Variants in EYS observed in about 807,000 individuals in gnomAD.
The protein encoded by EYS is protein eyes shut homolog.
EYS carries 250 observed loss-of-function variants against 282.1 expected under a neutral mutation model. The observed-to-expected ratio is 0.89, with a 90% CI of 0.80 to 0.98. The LOEUF (loss-of-function observed/expected upper bound fraction) is 0.98, where lower values mean the gene tolerates loss of function less well. Ranked by LOEUF, EYS falls within the 50% of genes least tolerant of loss-of-function variation. The probability of loss-of-function intolerance (pLI) is 0.00; values close to 1 mark genes in which losing one functional copy is unlikely to be tolerated. For missense variants in EYS, 4,016 were observed against 3,709.0 expected (o/e 1.08, Z -2.15); for synonymous variants, 1,355 against 1,282.9 (o/e 1.06, Z -1.20).
intron 35 of EYS, among the ~76,000 whole-genome samples, chr6:63,978,366 T>A (rs1479924282): frequency 2.0e-5 from 3 of 151,972 alleles, no homozygotes; most frequent in African/African-American, 7.2e-5. Flanking sequence ...ATAATCTAAC[T>A]AAATATAAAA....
At chr6:65,662,075 C>G (rs1469083529) in intron 1 of EYS, among the ~76,000 whole-genome samples, 1 of 151,852 alleles carries the variant, frequency 6.6e-6, no homozygotes, top group Admixed American at 6.6e-5. Flanking sequence ...TCTGGTCACA[C>G]CATATTTCTA....
At chr6:65,103,959 A>C (rs1421172717) in intron 12 of EYS, among the ~76,000 whole-genome samples, 1 of 151,420 alleles carries the variant, frequency 6.6e-6, no homozygotes, top group Non-Finnish European at 1.5e-5. Context: ...GTCATTAAAA[A>C]TGTTTGAATG....
intron 22 of EYS, among the ~76,000 whole-genome samples, chr6:64,744,600 C>T (rs1391244739): frequency 1.3e-5 from 2 of 152,058 alleles, no homozygotes; most frequent in East Asian, 1.9e-4. Flanking sequence ...GTTATTAAAA[C>T]TTTAATTTAG....
chr6:65,358,708 C>T (rs1764589057), intron 8 of EYS, among the ~76,000 whole-genome samples: 1 of 151,146 alleles, frequency 6.6e-6, no homozygotes, highest in African/African-American at 2.4e-5. Flanking sequence ...GTTTCCTCCA[C>T]CTATAGGTGA....
At chr6:65,478,917 A>G (rs1765501991) in intron 5 of EYS, among the ~76,000 whole-genome samples, 1 of 152,228 alleles carries the variant, frequency 6.6e-6, no homozygotes, top group African/African-American at 2.4e-5. Flanking sequence ...AGAAATCTGC[A>G]CAAAGTCCTT....
intron 26 of EYS, among the ~76,000 whole-genome samples, chr6:64,507,118 CTTG>C (rs1777236079): frequency 6.6e-6 from 1 of 151,660 alleles, no homozygotes; most frequent in Admixed American, 6.6e-5. Flanking sequence ...CAACCATCAT[CTTG>C]TTATCAAAAT....
chr6:65,276,670 C>A (rs889097089), intron 12 of EYS, among the ~76,000 whole-genome samples: 8 of 148,152 alleles, frequency 5.4e-5, no homozygotes, highest in African/African-American at 1.7e-4. Flanking sequence ...ACAACTGAAT[C>A]CAGTCAAGAC....
intron 16 of EYS, among the ~76,000 whole-genome samples, chr6:64,903,108 T>C (rs1767717091): frequency 6.6e-6 from 1 of 152,120 alleles, no homozygotes; most frequent in Non-Finnish European, 1.5e-5. Flanking sequence ...ACCTGCATGA[T>C]ATCACTTTTT....
intron 22 of EYS, among the ~76,000 whole-genome samples, chr6:64,801,324 TAACTC>T (rs1392714266): frequency 1.3e-5 from 2 of 152,168 alleles, no homozygotes; most frequent in East Asian, 1.9e-4. Flanking sequence ...TCACCACTGA[TAACTC>T]AAATACAGAT....
intron 12 of EYS, among the ~76,000 whole-genome samples, chr6:65,256,659 C>T (rs1474024585): frequency 5.6e-5 from 2 of 35,934 alleles, no homozygotes; most frequent in East Asian, 5.1e-4. Flanking sequence ...TTTCTTAATC[C>T]AGTCTATCAT....
chr6:64,175,846 GTA>G (rs975688242), intron 31 of EYS, among the ~76,000 whole-genome samples: 1 of 151,926 alleles, frequency 6.6e-6, no homozygotes, highest in African/African-American at 2.4e-5. Flanking sequence ...CTAAAATGGG[GTA>G]TATATCAGGA....
At chr6:65,317,825 C>CCTTCCTTCCTTTCTTTCTTTCTTTCTTT (rs1562092985) in intron 11 of EYS, among the ~76,000 whole-genome samples, 4 of 81,266 alleles carry the variant, frequency 4.9e-5, no homozygotes, top group Non-Finnish European at 1.0e-4. Flanking sequence ...TTCCTTCCTT[C>CCTTCCTTCCTTTCTTTCTTTCTTTCTTT]CTTTCTTTCT....
chr6:63,905,472 G>GGCGCCCGCCACC (rs1413081814), intron 35 of EYS, among the ~76,000 whole-genome samples: 9 of 151,790 alleles, frequency 5.9e-5, no homozygotes, highest in South Asian at 4.2e-4. Flanking sequence ...TGGGATTACA[G>GGCGCCCGCCACC]GCGCCCGCCA....
chr6:65,619,602 T>C (rs1044074735), intron 2 of EYS, among the ~76,000 whole-genome samples: 2 of 151,536 alleles, frequency 1.3e-5, no homozygotes, highest in African/African-American at 4.9e-5. Context: ...TGAATAGGAG[T>C]GGTGAGAGAG....
chr6:64,210,705 G>T (rs892942851), intron 31 of EYS, among the ~76,000 whole-genome samples: 17 of 152,124 alleles, frequency 1.1e-4, no homozygotes, highest in African/African-American at 3.9e-4. Context: ...AATTTGACTA[G>T]ATTAAGAAAT....
At chr6:64,051,755 C>T (rs77169357) in intron 33 of EYS, among the ~76,000 whole-genome samples, 9,569 of 152,134 alleles carry the variant, frequency 0.063, 409 homozygotes, top group Non-Finnish European at 0.093. Flanking sequence ...TTTCTTGATC[C>T]TTTCACAAAG....
chr6:63,992,926 G>A (rs893371038), intron 34 of EYS, among the ~76,000 whole-genome samples: 1 of 151,790 alleles, frequency 6.6e-6, no homozygotes, highest in Non-Finnish European at 1.5e-5. Context: ...TCATCATGGG[G>A]ATAGTTTTCC....
At chr6:64,814,884 C>A (rs1289406263) in intron 21 of EYS, among the ~76,000 whole-genome samples, 1 of 151,920 alleles carries the variant, frequency 6.6e-6, no homozygotes, top group East Asian at 1.9e-4. Context: ...TGAAAAGTGA[C>A]AATTTTCTAG....
intron 18 of EYS, among the ~76,000 whole-genome samples, chr6:64,895,803 C>T (rs1273016321): frequency 2.0e-5 from 3 of 151,634 alleles, no homozygotes; most frequent in Non-Finnish European, 4.4e-5. Flanking sequence ...TACTTTACAC[C>T]CATACTCATA....
Sources: allele counts gnomAD v4.1 joint callset (sites outside exome capture counted in the v4.1 genomes callset), GRCh38; gene constraint gnomAD v4.1.1; transcripts MANE v1.5; gene names NCBI Gene and HGNC (gene_info 2026-07-23, HGNC 2026-07-21).